CNTN5: variants seen among roughly 807,000 people sequenced by gnomAD.
The protein encoded by CNTN5 is contactin 5, also known as contactin-5.
A neutral mutation model predicts 129.1 loss-of-function variants in CNTN5; 77 were observed. That is an observed-to-expected ratio of 0.60 (90% confidence interval 0.50 to 0.72). CNTN5 has a LOEUF of 0.72. Among genes scored for constraint, CNTN5 ranks in the 30% least tolerant of loss-of-function variants. The pLI, the probability that CNTN5 is intolerant of heterozygous loss-of-function variation, is 0.00. For missense variants in CNTN5, 1,478 were observed against 1,328.8 expected (o/e 1.11, Z -1.75); for synonymous variants, 509 against 465.6 (o/e 1.09, Z -1.20).
chr11:99,448,848 G>T (rs960692660), intron 2 of CNTN5, among the ~76,000 whole-genome samples: 3 of 150,578 alleles, frequency 2.0e-5, no homozygotes, highest in Non-Finnish European at 4.4e-5. Flanking sequence ...TGTGATCATG[G>T]CTCATTGCAG....
chr11:99,897,142 G>C (rs773616919), intron 6 of CNTN5, among the ~76,000 whole-genome samples: 5 of 152,138 alleles, frequency 3.3e-5, no homozygotes, highest in Non-Finnish European at 7.4e-5. Flanking sequence ...CAAAACCTTT[G>C]AGAAATAAGA....
intron 4 of CNTN5, among the ~76,000 whole-genome samples, chr11:99,838,677 T>A (rs544076032): frequency 1.2e-4 from 19 of 152,318 alleles, no homozygotes; most frequent in Admixed American, 3.3e-4. Context: ...CCTATGTGAT[T>A]GTTGTTAGGC....
At chr11:99,168,502 C>A (rs1591305058) in intron 1 of CNTN5, among the ~76,000 whole-genome samples, 1 of 152,038 alleles carries the variant, frequency 6.6e-6, no homozygotes, top group Non-Finnish European at 1.5e-5. Flanking sequence ...ATCGCTTGAA[C>A]CCAGGAGGCA....
intron 6 of CNTN5, among the ~76,000 whole-genome samples, chr11:99,900,547 ATT>A (rs143767332): frequency 6.7e-6 from 1 of 149,720 alleles, no homozygotes; most frequent in African/African-American, 2.4e-5. Context: ...TCATTCATTA[ATT>A]TTTTTTTTAT....
chr11:99,504,549 A>G (rs1946547529), intron 2 of CNTN5, among the ~76,000 whole-genome samples: 1 of 150,186 alleles, frequency 6.7e-6, no homozygotes, highest in Non-Finnish European at 1.5e-5. Flanking sequence ...AAAAAAAAAG[A>G]AAGAAAAGAA....
intron 3 of CNTN5, among the ~76,000 whole-genome samples, chr11:99,627,544 T>C (rs888427149): frequency 6.6e-6 from 1 of 152,128 alleles, no homozygotes; most frequent in African/African-American, 2.4e-5. Flanking sequence ...TTCAAGGTTA[T>C]CATGTAGACT....
intron 3 of CNTN5, among the ~76,000 whole-genome samples, chr11:99,650,191 G>A (rs1452618226): frequency 6.6e-6 from 1 of 151,888 alleles, no homozygotes; most frequent in Admixed American, 6.6e-5. Context: ...CAAGAGAATT[G>A]TAAAAACTGT....
chr11:99,819,826 T>C (rs1946740457), intron 4 of CNTN5, 61 bp downstream of exon 4: 2 of 1,056,008 alleles, frequency 1.9e-6, no homozygotes, highest in East Asian at 5.2e-5. Flanking sequence ...ACTTATTTAA[T>C]ACTGTTGCAA....
chr11:99,323,517 T>C (rs868296894), intron 1 of CNTN5, among the ~76,000 whole-genome samples: 3 of 152,306 alleles, frequency 2.0e-5, no homozygotes, highest in Middle Eastern at 6.8e-3. Context: ...TTGCTCAATA[T>C]GTGCTAGACA....
At chr11:100,341,743 CAT>C (rs532900993) in intron 23 of CNTN5, among the ~76,000 whole-genome samples, 31 of 152,208 alleles carry the variant, frequency 2.0e-4, no homozygotes, top group African/African-American at 7.2e-4. Context: ...AATTTGATAA[CAT>C]GTGCAATTTG....
chr11:99,953,158 C>G (rs1263979525), intron 7 of CNTN5, among the ~76,000 whole-genome samples: 1 of 151,724 alleles, frequency 6.6e-6, no homozygotes, highest in African/African-American at 2.4e-5. Context: ...CATTCTCACA[C>G]TTTTTTTTTG....
intron 2 of CNTN5, among the ~76,000 whole-genome samples, chr11:99,537,627 C>G (rs1947950041): frequency 1.3e-5 from 2 of 152,170 alleles, no homozygotes; most frequent in Admixed American, 1.3e-4. Flanking sequence ...ACCAACCCCA[C>G]CATCACAACC....
chr11:100,015,868 A>G (rs969563654), intron 9 of CNTN5, among the ~76,000 whole-genome samples: 1 of 152,080 alleles, frequency 6.6e-6, no homozygotes, highest in Non-Finnish European at 1.5e-5. Flanking sequence ...TTAGGCACAT[A>G]CTTATAGTTT....
intron 1 of CNTN5, among the ~76,000 whole-genome samples, chr11:99,047,815 C>T (rs1358699308): frequency 6.6e-6 from 1 of 151,998 alleles, no homozygotes; most frequent in Non-Finnish European, 1.5e-5. Flanking sequence ...TCAAATATGG[C>T]AGCATTTACA....
chr11:99,954,943 G>A (rs138913709), intron 7 of CNTN5, among the ~76,000 whole-genome samples: 1 of 152,192 alleles, frequency 6.6e-6, no homozygotes, highest in Non-Finnish European at 1.5e-5. Context: ...CCAATTTTGT[G>A]TAAATGTTTT....
intron 7 of CNTN5, among the ~76,000 whole-genome samples, chr11:99,940,359 A>G (rs1446990766): frequency 6.6e-6 from 1 of 152,152 alleles, no homozygotes. Flanking sequence ...TGAAATAAAG[A>G]GACAATAAAC....
At position 99,126,672 on chromosome 11, in the gene CNTN5, G is replaced by A. The variant is rs531474620; in HGVS notation, c.-210+105402G>A. On this transcript the variant is annotated intron_variant, in intron 1 of 24. Coordinates refer to ENST00000524871, the MANE Select transcript of CNTN5 (RefSeq NM_014361.4). ...ATATCAAGGCAAACTGTAGCACCCA[G>A]GATGCATAAGCAATGAAAACTACAA... Among the ~76,000 whole-genome samples the A allele has an allele frequency of 3.7e-4, 56 of 152,328 alleles. No homozygotes were observed. The South Asian group carries it at 0.011, about 30-fold the overall frequency.
intron 9 of CNTN5, among the ~76,000 whole-genome samples, chr11:100,011,337 C>G (rs1165920679): frequency 6.6e-6 from 1 of 152,096 alleles, no homozygotes; most frequent in African/African-American, 2.4e-5. Context: ...CAAGGGCAAA[C>G]AGGGTTACTC....
chr11:99,307,738 G>C (rs558857479), intron 1 of CNTN5, among the ~76,000 whole-genome samples: 1 of 152,110 alleles, frequency 6.6e-6, no homozygotes, highest in Non-Finnish European at 1.5e-5. Context: ...TTAAATGGGA[G>C]GCCTGTCAAG....
Sources: allele counts gnomAD v4.1 joint callset (sites outside exome capture counted in the v4.1 genomes callset), GRCh38; gene constraint gnomAD v4.1.1; transcripts MANE v1.5; gene names NCBI Gene and HGNC (gene_info 2026-07-23, HGNC 2026-07-21).